CDKAL1: variants seen among roughly 807,000 people sequenced by gnomAD.
CDKAL1 encodes the protein CDKAL1 threonylcarbamoyladenosine tRNA methylthiotransferase.
In CDKAL1, 32 loss-of-function variants were observed where a neutral mutation model predicts 68.2. The ratio of observed to expected loss-of-function variants is 0.47; its 90% CI spans 0.35 to 0.63. CDKAL1 has a LOEUF of 0.63. CDKAL1 is among the 30% of genes least tolerant of loss of function. The pLI is 0.00. For missense variants in CDKAL1, 606 were observed against 696.7 expected, an observed-to-expected ratio of 0.87 and a Z score of 1.47; for synonymous variants, 234 against 244.3, an observed-to-expected ratio of 0.96 and a Z score of 0.39.
intron 13 of CDKAL1, among the ~76,000 whole-genome samples, chr6:21,188,019 A>G (rs908980741): frequency 6.6e-6 from 1 of 152,172 alleles, no homozygotes; most frequent in South Asian, 2.1e-4. Flanking sequence ...TATGTGCTGT[A>G]TGTAGATAAT....
intron 4 of CDKAL1, among the ~76,000 whole-genome samples, chr6:20,635,294 C>A (rs932592649): frequency 6.6e-6 from 1 of 152,026 alleles, no homozygotes; most frequent in Non-Finnish European, 1.5e-5. Context: ...CGGGTGGTGT[C>A]CCAGGAAGTG....
At chr6:21,145,360 G>A (rs1776114456) in intron 13 of CDKAL1, among the ~76,000 whole-genome samples, 2 of 152,120 alleles carry the variant, frequency 1.3e-5, no homozygotes, top group South Asian at 4.1e-4. Context: ...AATTCCAAAA[G>A]CTTTGTAACA....
At chr6:20,782,067 C>T (rs982470432) in intron 8 of CDKAL1, among the ~76,000 whole-genome samples, 2 of 152,190 alleles carry the variant, frequency 1.3e-5, no homozygotes, top group Non-Finnish European at 2.9e-5. Context: ...TCATTGAGAA[C>T]CGGTGAACAG....
At chr6:21,020,430 A>G (rs1387375081) in intron 11 of CDKAL1, among the ~76,000 whole-genome samples, 1 of 152,208 alleles carries the variant, frequency 6.6e-6, no homozygotes, top group Non-Finnish European at 1.5e-5. Flanking sequence ...ACAGGTTCAC[A>G]GGTACTATTA....
At chr6:21,142,870 G>C (rs543893507) in intron 13 of CDKAL1, among the ~76,000 whole-genome samples, 1 of 152,320 alleles carries the variant, frequency 6.6e-6, no homozygotes, top group Non-Finnish European at 1.5e-5. Flanking sequence ...GAAGCAGTAT[G>C]ACCCTCATAA....
intron 10 of CDKAL1, among the ~76,000 whole-genome samples, chr6:20,974,810 C>A (rs1250674338): frequency 1.4e-5 from 1 of 71,250 alleles, no homozygotes; most frequent in Non-Finnish European, 3.0e-5. Flanking sequence ...AAGACCCAGT[C>A]TCTGCAAAAA....
chr6:20,585,614 C>T (rs149088209), intron 4 of CDKAL1, among the ~76,000 whole-genome samples: 2 of 152,218 alleles, frequency 1.3e-5, no homozygotes, highest in Non-Finnish European at 2.9e-5. Context: ...TGTTTGTTAG[C>T]ATTTGCCACA....
intron 9 of CDKAL1, among the ~76,000 whole-genome samples, chr6:20,948,682 G>A (rs1373317967): frequency 6.6e-6 from 1 of 152,092 alleles, no homozygotes; most frequent in Admixed American, 6.5e-5. Flanking sequence ...CACCTCTCTC[G>A]ACATCCTGCT....
At chr6:20,793,178 GC>G (rs1424340156) in intron 8 of CDKAL1, among the ~76,000 whole-genome samples, 1 of 149,628 alleles carries the variant, frequency 6.7e-6, no homozygotes, top group African/African-American at 2.5e-5. Flanking sequence ...TAAAATTAAC[GC>G]CCCTAATTTC....
chr6:21,025,375 T>A (rs1018064120), intron 11 of CDKAL1, among the ~76,000 whole-genome samples: 2 of 152,226 alleles, frequency 1.3e-5, no homozygotes, highest in African/African-American at 4.8e-5. Context: ...AACACTGACA[T>A]GTCTGCTCTA....
At chr6:20,578,069 T>A (rs186308542) in intron 4 of CDKAL1, among the ~76,000 whole-genome samples, 5 of 152,328 alleles carry the variant, frequency 3.3e-5, no homozygotes, top group African/African-American at 1.2e-4. Context: ...CCATATTTCT[T>A]ATGCAGTTAT....
intron 11 of CDKAL1, among the ~76,000 whole-genome samples, chr6:21,035,957 C>T (rs775146939): frequency 6.6e-6 from 1 of 152,076 alleles, no homozygotes; most frequent in Non-Finnish European, 1.5e-5. Context: ...TAGATGGAAG[C>T]GCCACTCAAT....
At chr6:20,611,357 C>T (rs1766608982) in intron 4 of CDKAL1, among the ~76,000 whole-genome samples, 1 of 152,044 alleles carries the variant, frequency 6.6e-6, no homozygotes, top group Non-Finnish European at 1.5e-5. Flanking sequence ...GTGGACTGGT[C>T]CTTTGTGCAG....
At chr6:20,888,134 C>A (rs2150573430) in intron 9 of CDKAL1, among the ~76,000 whole-genome samples, 1 of 151,998 alleles carries the variant, frequency 6.6e-6, no homozygotes, top group Middle Eastern at 3.4e-3. Context: ...CATTCCCGCA[C>A]CCCATGACAG....
intron 5 of CDKAL1, among the ~76,000 whole-genome samples, chr6:20,694,302 C>T (rs1771018174): frequency 6.6e-6 from 1 of 152,164 alleles, no homozygotes; most frequent in African/African-American, 2.4e-5. Context: ...CTCGGCCTCC[C>T]AAAGTGCTGA....
chr6:21,090,709 A>T (rs567232169), intron 12 of CDKAL1, among the ~76,000 whole-genome samples: 2 of 152,156 alleles, frequency 1.3e-5, no homozygotes, highest in East Asian at 3.9e-4. Context: ...CTTGTTCTAT[A>T]TATCAATTAT....
chr6:20,701,400 T>C (rs1478543477), intron 5 of CDKAL1, among the ~76,000 whole-genome samples: 1 of 152,152 alleles, frequency 6.6e-6, no homozygotes, highest in Non-Finnish European at 1.5e-5. Flanking sequence ...TGGAACCAAG[T>C]AGTAGCTCTC....
intron 13 of CDKAL1, among the ~76,000 whole-genome samples, chr6:21,155,671 T>G (rs1403483814): frequency 6.6e-6 from 1 of 152,234 alleles, no homozygotes. Context: ...TTGATTCACT[T>G]ATAAGTCACT....
chr6:20,792,805 A>C (rs1015546616), intron 8 of CDKAL1, among the ~76,000 whole-genome samples: 1 of 152,232 alleles, frequency 6.6e-6, no homozygotes, highest in Admixed American at 6.5e-5. Context: ...TAAAAGAAAC[A>C]AGACCTAGTA....
Sources: gnomAD v4.1 joint callset for allele counts (sites outside exome capture counted in the v4.1 genomes callset) on GRCh38, gnomAD v4.1.1 for gene constraint, MANE v1.5 for transcripts, NCBI Gene and HGNC (gene_info 2026-07-23, HGNC 2026-07-21) for gene names.